The following IL33 variants were observed in gnomAD, a reference collection of about 807,000 sequenced individuals.
IL33 encodes the protein interleukin-33.
In IL33, 37 loss-of-function variants were observed where a neutral mutation model predicts 27.3. The observed-to-expected ratio is 1.36, with a 90% CI of 1.04 to 1.78. The LOEUF (loss-of-function observed/expected upper bound fraction) is 1.78, where lower values mean the gene tolerates loss of function less well. Among genes scored for constraint, IL33 ranks in the 40% most tolerant of loss-of-function variants. The pLI is 0.00. For synonymous variants in IL33, 132 were observed against 102.9 expected, an observed-to-expected ratio of 1.28 and a Z score of -1.71; for missense variants, 406 against 311.4, an observed-to-expected ratio of 1.30 and a Z score of -2.29.
At chr9:6,247,407 G>A (rs958629449) in intron 2 of IL33, among the ~76,000 whole-genome samples, 1 of 152,120 alleles carries the variant, frequency 6.6e-6, no homozygotes, top group Non-Finnish European at 1.5e-5. Context: ...GGTAAAATCC[G>A]TGCTTGGGGA....
At chr9:6,233,525 G>GAT (rs1819031853) in intron 1 of IL33, among the ~76,000 whole-genome samples, 1 of 152,024 alleles carries the variant, frequency 6.6e-6, no homozygotes, top group Non-Finnish European at 1.5e-5. Flanking sequence ...GCATACTCAA[G>GAT]AGTCTATCAC....
chr9:6,245,976 T>C (rs1041457174), intron 2 of IL33, among the ~76,000 whole-genome samples: 21 of 134,504 alleles, frequency 1.6e-4, no homozygotes, highest in African/African-American at 6.0e-4. Flanking sequence ...GGCAGGAGAA[T>C]GGCATGAACT....
Position 6,256,479 on chromosome 9 carries a change from T to G in IL33, c.*311T>G. The G allele has an allele frequency of 2.3e-6, 1 of 425,772 alleles. No individual in the cohort carries two copies. The highest frequency in any genetic ancestry group is 4.1e-6 in the Non-Finnish European group (1 of 241,670). The allele number at this position is 425,772 out of a possible 1,614,324, so 26.4% of individuals were successfully genotyped here. On this transcript the variant is annotated 3_prime_UTR_variant, in exon 8 of 8. Transcript: ENST00000682010. ...CTCTAGTTTCAGTCCAGAAAGAACTTCATATTTAGAGCTAAGGCCACTGAG... is the reference window on the plus strand; with the variant it reads ...CTCTAGTTTCAGTCCAGAAAGAACTGCATATTTAGAGCTAAGGCCACTGAG...
intron 5 of IL33, 121 bp downstream of exon 5, chr9:6,253,112 G>C (rs181981294): frequency 6.6e-5 from 45 of 683,226 alleles, no homozygotes; most frequent in Admixed American, 1.6e-4. Flanking sequence ...GTCATGCTGT[G>C]TGCTAACTCT....
At chr9:6,216,876 A>G (rs1407875987) in intron 1 of IL33, among the ~76,000 whole-genome samples, 1 of 152,210 alleles carries the variant, frequency 6.6e-6, no homozygotes, top group Non-Finnish European at 1.5e-5. Flanking sequence ...CTGGACTTTA[A>G]TCTCTGATCT....
At chr9:6,245,365 A>T (rs927732369) in intron 2 of IL33, among the ~76,000 whole-genome samples, 6 of 152,256 alleles carry the variant, frequency 3.9e-5, no homozygotes, top group Admixed American at 3.3e-4. Context: ...GTTGGCTAGA[A>T]CTGAGTAGAG....
rs1009331643 is a variant in IL33 at position 6,257,844 on chromosome 9, C to A, written c.*1676C>A. 1 of 152,068 alleles carries A rather than the reference C, an allele frequency of 6.6e-6. No individual in the cohort carries two copies. Among genetic ancestry groups the A allele is most frequent in the African/African-American group, 2.4e-5 (1 of 41,410 alleles). 9.4% of individuals were successfully genotyped at this position (152,068 alleles called of 1,614,324 possible). ...GTTACCAAAGAGATAAAAATAAAAGCAGAATGTATATCATCCCATCTGAAA... is the reference window on the plus strand; with the variant it reads ...GTTACCAAAGAGATAAAAATAAAAGAAGAATGTATATCATCCCATCTGAAA... On this transcript the variant is annotated 3_prime_UTR_variant, in exon 8 of 8. Transcript: ENST00000682010.
intron 1 of IL33, among the ~76,000 whole-genome samples, chr9:6,221,149 T>C (rs764035767): frequency 1.3e-5 from 2 of 152,186 alleles, no homozygotes; most frequent in Non-Finnish European, 2.9e-5. Flanking sequence ...CTGATGTAAT[T>C]TGGTGACTAT....
chr9:6,243,618 G>T (rs1039077242), intron 2 of IL33, among the ~76,000 whole-genome samples: 9 of 152,196 alleles, frequency 5.9e-5, no homozygotes, highest in African/African-American at 1.9e-4. Flanking sequence ...GCCTCCCAAA[G>T]TGCTGGGATC....
At chr9:6,217,767 A>G (rs1322586418) in intron 1 of IL33, among the ~76,000 whole-genome samples, 1 of 152,056 alleles carries the variant, frequency 6.6e-6, no homozygotes, top group Admixed American at 6.6e-5. Context: ...CTTTCCACAC[A>G]TGAATATATG....
chr9:6,250,552 C>T lies in IL33; in HGVS notation c.170C>T (p.Ala57Val). The change falls in exon 3 of 8, where the codon GCC (alanine) becomes GTC (valine). Residue 57 changes from alanine (A) to valine (V), a missense_variant. Physicochemically the swap from Ala to Val is moderately conservative, Grantham distance 64. Transcript: ENST00000682010. ...TCTGGCCTTATGATAAAAAAGGAGG[C>T]CTGTTACTTTAGGAGAGAAACCACC... ...LRSGLMIKKEACYFRRETTKR... is the reference protein window; with the variant it reads ...LRSGLMIKKEVCYFRRETTKR... The T allele has an allele frequency of 6.2e-7, 1 of 1,613,924 alleles. No individual in the cohort carries two copies. The highest frequency in any genetic ancestry group is 8.5e-7 in the Non-Finnish European group (1 of 1,179,904).
rs1310825777 is a variant in IL33 at position 6,257,010 on chromosome 9, T to A, written c.*842T>A. 2 of 151,674 alleles carry A rather than the reference T, an allele frequency of 1.3e-5. No individual in the cohort carries two copies. The highest frequency in any genetic ancestry group is 2.9e-5 in the Non-Finnish European group (2 of 67,944). 9.4% of individuals were successfully genotyped at this position (151,674 alleles called of 1,614,324 possible). On this transcript the variant is annotated 3_prime_UTR_variant, in exon 8 of 8. Coordinates refer to ENST00000682010, the MANE Select transcript of IL33 (RefSeq NM_033439.4). ...TTTTTTTTTTTTAAAGAGTACTGAG[T>A]CACAACATGTTTTAGAGCATCCAAG...
At chr9:6,226,161 C>T (rs1818618442) in intron 1 of IL33, among the ~76,000 whole-genome samples, 1 of 152,054 alleles carries the variant, frequency 6.6e-6, no homozygotes, top group South Asian at 2.1e-4. Flanking sequence ...GTGTGTGCCA[C>T]CACACCCAGC....
At chr9:6,228,634 A>G (rs1818767974) in intron 1 of IL33, among the ~76,000 whole-genome samples, 1 of 152,198 alleles carries the variant, frequency 6.6e-6, no homozygotes, top group Middle Eastern at 3.4e-3. Context: ...AGGTGGAAGG[A>G]TCACTTGAGG....
chr9:6,252,942 T>G lies in IL33; in HGVS notation c.420T>G (p.Asp140Glu), dbSNP rs777105337. 2 of 1,596,104 alleles carry G rather than the reference T, an allele frequency of 1.3e-6. No individual in the cohort carries two copies. Among genetic ancestry groups the G allele is most frequent in the Non-Finnish European group, 1.7e-6 (2 of 1,165,056 alleles). ...NDQSITFALE[D>E]ESYEIYVEDL... ...AATCCATTACTTTTGCTTTGGAGGA[T>G]GAAAGTTATGAGATATATGTTGAAG... The change falls in exon 5 of 8, where the codon GAT (aspartate) becomes GAG (glutamate). Residue 140 changes from aspartate to glutamate, a missense_variant. Coordinates refer to ENST00000682010, the MANE Select transcript of IL33 (RefSeq NM_033439.4).
chr9:6,230,733 C>T (rs1483885523), intron 1 of IL33, among the ~76,000 whole-genome samples: 2 of 152,130 alleles, frequency 1.3e-5, no homozygotes, highest in Non-Finnish European at 2.9e-5. Context: ...TCATTCATCC[C>T]ACTATATCCT....
chr9:6,218,893 G>T (rs1169353733), intron 1 of IL33, among the ~76,000 whole-genome samples: 6 of 46,982 alleles, frequency 1.3e-4, no homozygotes, highest in African/African-American at 5.1e-4. Flanking sequence ...ATATATATAT[G>T]TTCTCCATAT....
intron 1 of IL33, among the ~76,000 whole-genome samples, chr9:6,227,477 C>A (rs1230034115): frequency 6.6e-6 from 1 of 152,116 alleles, no homozygotes; most frequent in Non-Finnish European, 1.5e-5. Flanking sequence ...CTGGAAACAG[C>A]ATATTTCATT....
At chr9:6,239,976 A>G (rs1819436506) in intron 1 of IL33, among the ~76,000 whole-genome samples, 1 of 152,174 alleles carries the variant, frequency 6.6e-6, no homozygotes, top group Non-Finnish European at 1.5e-5. Context: ...AGGTTTTCTC[A>G]TGACTTCTTT....
Sources: gnomAD v4.1 joint callset for allele counts (sites outside exome capture counted in the v4.1 genomes callset) on GRCh38, gnomAD v4.1.1 for gene constraint, MANE v1.5 for transcripts, NCBI Gene and HGNC (gene_info 2026-07-23, HGNC 2026-07-21) for gene names.